KCNJ6: variants seen among roughly 807,000 people sequenced by gnomAD.
KCNJ6 encodes the protein potassium inwardly rectifying channel subfamily J member 6.
In KCNJ6, 9 loss-of-function variants were observed where a neutral mutation model predicts 34.2. The ratio of observed to expected loss-of-function variants is 0.26; its 90% CI spans 0.16 to 0.46. The LOEUF is 0.46. Ranked by LOEUF, KCNJ6 falls within the 20% of genes least tolerant of loss-of-function variation. The probability of loss-of-function intolerance (pLI) is 1.00; values close to 1 mark genes in which losing one functional copy is unlikely to be tolerated. For missense variants in KCNJ6, 236 were observed against 531.3 expected, an observed-to-expected ratio of 0.44 and a Z score of 5.46; for synonymous variants, 196 against 207.1, an observed-to-expected ratio of 0.95 and a Z score of 0.46.
At chr21:37,739,494 G>A (rs1221028952) in intron 2 of KCNJ6, among the ~76,000 whole-genome samples, 1 of 152,166 alleles carries the variant, frequency 6.6e-6, no homozygotes, top group East Asian at 1.9e-4. Flanking sequence ...AAATTAATAA[G>A]AGTTCATAAT....
intron 3 of KCNJ6, among the ~76,000 whole-genome samples, chr21:37,655,233 G>GAGAGAA (rs2054456874): frequency 8.0e-4 from 2 of 2,486 alleles, no homozygotes; most frequent in Admixed American, 6.2e-3. Flanking sequence ...GTGAGAGAGA[G>GAGAGAA]AGAGAGAGAG....
At chr21:37,813,696 C>T (rs181085300) in intron 2 of KCNJ6, among the ~76,000 whole-genome samples, 4 of 152,244 alleles carry the variant, frequency 2.6e-5, no homozygotes, top group Non-Finnish European at 4.4e-5. Flanking sequence ...AACTGGATAT[C>T]CATATGCAGA....
chr21:37,804,815 T>C lies in KCNJ6; in HGVS notation c.25+35843A>G, dbSNP rs563511862. Among the ~76,000 whole-genome samples the C allele has an allele frequency of 3.9e-5, 6 of 152,348 alleles. No individual in the cohort carries two copies. In the East Asian group the frequency reaches 7.7e-4, roughly 20 times the overall value. ...TATGTACCACATTTTCTTTACCCAG[T>C]CTATCATTGATGGGCATTGTTGAGT... On this transcript the variant is annotated intron_variant, in intron 2 of 3. Transcript: ENST00000609713.
intron 3 of KCNJ6, among the ~76,000 whole-genome samples, chr21:37,701,297 A>G (rs2054689625): frequency 6.6e-6 from 1 of 152,190 alleles, no homozygotes; most frequent in Admixed American, 6.5e-5. Context: ...GGGAACCTTG[A>G]AGGAGACAGG....
intron 2 of KCNJ6, among the ~76,000 whole-genome samples, chr21:37,764,657 T>A (rs1288512170): frequency 6.6e-6 from 1 of 152,156 alleles, no homozygotes; most frequent in Non-Finnish European, 1.5e-5. Flanking sequence ...GGATTACAGG[T>A]GTAAGCCACC....
intron 3 of KCNJ6, among the ~76,000 whole-genome samples, chr21:37,670,482 G>A (rs2054536368): frequency 6.6e-6 from 1 of 152,164 alleles, no homozygotes; most frequent in Non-Finnish European, 1.5e-5. Flanking sequence ...TATTAAGCCT[G>A]GGCTGAGTGC....
At chr21:37,681,995 C>T (rs2054592761) in intron 3 of KCNJ6, among the ~76,000 whole-genome samples, 1 of 152,212 alleles carries the variant, frequency 6.6e-6, no homozygotes, top group Non-Finnish European at 1.5e-5. Context: ...TGTGCATACA[C>T]TGGGGACTGG....
intron 3 of KCNJ6, among the ~76,000 whole-genome samples, chr21:37,637,441 C>A (rs1040019028): frequency 6.6e-6 from 1 of 152,096 alleles, no homozygotes; most frequent in Non-Finnish European, 1.5e-5. Context: ...ACTCCTAATT[C>A]TATTCTCACC....
chr21:37,904,126 T>G (rs2055830235), intron 1 of KCNJ6, among the ~76,000 whole-genome samples: 1 of 152,256 alleles, frequency 6.6e-6, no homozygotes, highest in South Asian at 2.1e-4. Flanking sequence ...TTCTATTAGC[T>G]GCTCTAAAGT....
At chr21:37,692,845 T>C (rs2054645985) in intron 3 of KCNJ6, among the ~76,000 whole-genome samples, 1 of 152,224 alleles carries the variant, frequency 6.6e-6, no homozygotes, top group Admixed American at 6.5e-5. Context: ...CTCACCTAAA[T>C]GGTTATTTCA....
intron 2 of KCNJ6, among the ~76,000 whole-genome samples, chr21:37,727,903 A>G (rs569790721): frequency 1.1e-4 from 16 of 152,264 alleles, no homozygotes; most frequent in Middle Eastern, 6.8e-3. Flanking sequence ...AGCAACAACA[A>G]CAACAACAAC....
rs774942127 is a variant in KCNJ6 at position 37,915,930 on chromosome 21, G to C, written c.-74C>G. 2.0e-5 allele frequency: 3 copies of C among 152,166 alleles called. No homozygotes were observed. Among genetic ancestry groups the C allele is most frequent in the Non-Finnish European group, 4.4e-5 (3 of 68,074 alleles). 9.4% of individuals were successfully genotyped at this position (152,166 alleles called of 1,614,324 possible). A position where few individuals can be genotyped will look rare whatever the true frequency, so the allele number is the denominator to read the frequency against. ...TCACTCAATCATGATCTCCTCTCTT[G>C]AAACGGAGCAAGACTGAACAATTCA... On this transcript the variant is annotated 5_prime_UTR_variant, in exon 1 of 4. Transcript: ENST00000609713.
chr21:37,898,311 C>A (rs1447477718), intron 1 of KCNJ6, among the ~76,000 whole-genome samples: 2 of 152,208 alleles, frequency 1.3e-5, no homozygotes, highest in Non-Finnish European at 2.9e-5. Context: ...CATTGGATTT[C>A]ATTTCTTTTA....
At chr21:37,878,818 A>G (rs2055692166) in intron 1 of KCNJ6, among the ~76,000 whole-genome samples, 1 of 152,212 alleles carries the variant, frequency 6.6e-6, no homozygotes, top group Admixed American at 6.5e-5. Context: ...TGTGACGACC[A>G]GCACTCACCC....
intron 3 of KCNJ6, among the ~76,000 whole-genome samples, chr21:37,696,898 C>CT (rs1454074910): frequency 1.3e-5 from 2 of 152,300 alleles, no homozygotes; most frequent in East Asian, 3.9e-4. Context: ...ATCATTCCTT[C>CT]TGCCCCTAGC....
At chr21:37,700,793 T>C (rs2054686830) in intron 3 of KCNJ6, among the ~76,000 whole-genome samples, 1 of 152,070 alleles carries the variant, frequency 6.6e-6, no homozygotes, top group South Asian at 2.1e-4. Flanking sequence ...GGGGTACAGC[T>C]ATATAGACCT....
At chr21:37,653,153 T>C (rs1015076603) in intron 3 of KCNJ6, among the ~76,000 whole-genome samples, 6 of 152,018 alleles carry the variant, frequency 3.9e-5, no homozygotes, top group Admixed American at 2.6e-4. Flanking sequence ...TCTCCAGTGA[T>C]GCAACAACAA....
intron 1 of KCNJ6, among the ~76,000 whole-genome samples, chr21:37,858,847 T>C (rs1468833113): frequency 2.0e-5 from 3 of 152,084 alleles, no homozygotes; most frequent in Non-Finnish European, 4.4e-5. Flanking sequence ...CTAGATGAAC[T>C]AGGAATAACA....
intron 3 of KCNJ6, among the ~76,000 whole-genome samples, chr21:37,711,220 C>T (rs1046735256): frequency 4.6e-5 from 7 of 152,342 alleles, no homozygotes; most frequent in African/African-American, 1.4e-4. Context: ...CTGCACCGGG[C>T]CTGAGCTCCC....
Sources: gnomAD v4.1 joint callset for allele counts (sites outside exome capture counted in the v4.1 genomes callset) on GRCh38, gnomAD v4.1.1 for gene constraint, MANE v1.5 for transcripts, NCBI Gene and HGNC (gene_info 2026-07-23, HGNC 2026-07-21) for gene names.